TRPM3: variants seen among roughly 807,000 people sequenced by gnomAD.
TRPM3 encodes long transient receptor potential channel 3.
A neutral mutation model predicts 181.2 loss-of-function variants in TRPM3; 77 were observed. The observed-to-expected ratio is 0.42, with a 90% CI of 0.35 to 0.51. TRPM3 has a LOEUF of 0.51. TRPM3 is among the 20% of genes least tolerant of loss of function. The pLI is 0.01. For missense variants in TRPM3, 1,759 were observed against 2,196.7 expected, an observed-to-expected ratio of 0.80 and a Z score of 3.98; for synonymous variants, 745 against 796.4, an observed-to-expected ratio of 0.94 and a Z score of 1.09.
At chr9:70,559,210 AT>A (rs1375058603) in intron 22 of TRPM3, among the ~76,000 whole-genome samples, 1 of 152,240 alleles carries the variant, frequency 6.6e-6, no homozygotes, top group Non-Finnish European at 1.5e-5. Flanking sequence ...TAGGTGCTCA[AT>A]AAACAATGGC....
chr9:70,682,257 T>A (rs1288938061), intron 8 of TRPM3, among the ~76,000 whole-genome samples: 1 of 152,172 alleles, frequency 6.6e-6, no homozygotes, highest in East Asian at 1.9e-4. Flanking sequence ...TCTTTCTGGT[T>A]TTATGTAAAT....
chr9:70,928,872 C>G (rs1454809193), intron 1 of TRPM3, among the ~76,000 whole-genome samples: 10 of 152,312 alleles, frequency 6.6e-5, no homozygotes, highest in African/African-American at 2.4e-4. Context: ...CACCTAGAGT[C>G]TAGTTTGAAT....
intron 1 of TRPM3, among the ~76,000 whole-genome samples, chr9:71,218,224 G>A (rs553934378): frequency 1.3e-5 from 2 of 152,250 alleles, no homozygotes; most frequent in Admixed American, 1.3e-4. Flanking sequence ...CAGGCATACA[G>A]TTTGTCTGTT....
intron 1 of TRPM3, among the ~76,000 whole-genome samples, chr9:71,068,260 G>C (rs567634133): frequency 6.6e-6 from 1 of 152,250 alleles, no homozygotes; most frequent in African/African-American, 2.4e-5. Flanking sequence ...TCAATTCTTG[G>C]TACACTCAGG....
chr9:70,960,600 A>C (rs2097127078), intron 1 of TRPM3, among the ~76,000 whole-genome samples: 1 of 152,214 alleles, frequency 6.6e-6, no homozygotes, highest in Non-Finnish European at 1.5e-5. Flanking sequence ...GAGGCAGGAA[A>C]GTCTGAGGCC....
At chr9:71,238,815 G>A (rs1280075679) in intron 1 of TRPM3, among the ~76,000 whole-genome samples, 3 of 152,068 alleles carry the variant, frequency 2.0e-5, no homozygotes, top group Non-Finnish European at 4.4e-5. Context: ...TTCACCTGTG[G>A]AAGGCATTTG....
rs2095599610 is a variant in TRPM3, at chr9:70,864,525, C to CAACAAAAAAAAA, written c.178-15_178-14insTTTTTTTTTGTT. The CAACAAAAAAAAA allele has an allele frequency of 1.3e-6, 1 of 798,322 alleles. No homozygotes were observed. The highest frequency in any genetic ancestry group is 2.3e-5 in the African/African-American group (1 of 43,986). The allele number at this position is 798,322 out of a possible 1,614,324, so 49.5% of individuals were successfully genotyped here. ...GGATTTCTGAGCCTGAAAAAGAAAA[C>CAACAAAAAAAAA]AAAAAAAAAAAAAAAAGAAAAAAGA... On this transcript the variant is annotated splice_polypyrimidine_tract_variant and intron_variant, in intron 1 of 25. Transcript: ENST00000677713.
intron 1 of TRPM3, among the ~76,000 whole-genome samples, chr9:71,331,913 AGAG>A (rs373168008): frequency 0.058 from 768 of 13,248 alleles, 13 homozygotes; most frequent in Non-Finnish European, 0.072. Flanking sequence ...AGGAGGAAGA[AGAG>A]GAGGAAGAGG....
intron 1 of TRPM3, among the ~76,000 whole-genome samples, chr9:71,348,373 T>C (rs1385082792): frequency 6.6e-6 from 1 of 151,806 alleles, no homozygotes; most frequent in Non-Finnish European, 1.5e-5. Flanking sequence ...CCTGTATAGT[T>C]GTTGCTGTGC....
intron 21 of TRPM3, among the ~76,000 whole-genome samples, chr9:70,592,129 T>G (rs1005913731): frequency 6.6e-6 from 1 of 152,222 alleles, no homozygotes; most frequent in African/African-American, 2.4e-5. Context: ...TAGATGAGGA[T>G]GCAATAACTA....
In TRPM3 at chr9:71,234,991, C is replaced by T. The variant is rs374997956; in HGVS notation, c.183+211662G>A. Among the ~76,000 whole-genome samples, 65 of 152,272 alleles carry T rather than the reference C, an allele frequency of 4.3e-4. 1 individual carries two copies. The South Asian group carries it at 0.013, about 30-fold the overall frequency. On this transcript the variant is annotated intron_variant, in intron 1 of 24. Coordinates refer to the TRPM3 transcript ENST00000357533. Reference sequence around the variant, plus strand: ...CAAGTTCTGAGAAGGTAAGTACTAACGTCAAATTCCTTCTCATGAACAGCA... The same window carrying T: ...CAAGTTCTGAGAAGGTAAGTACTAATGTCAAATTCCTTCTCATGAACAGCA...
At chr9:71,226,405 A>G (rs566552913) in intron 1 of TRPM3, among the ~76,000 whole-genome samples, 6 of 152,184 alleles carry the variant, frequency 3.9e-5, no homozygotes, top group East Asian at 1.9e-4. Flanking sequence ...ATGGATTAAA[A>G]AAAGATGCAA....
At chr9:71,182,031 CT>C (rs774249627) in intron 1 of TRPM3, among the ~76,000 whole-genome samples, 41 of 152,224 alleles carry the variant, frequency 2.7e-4, no homozygotes, top group Non-Finnish European at 5.6e-4. Context: ...ACCCCGGCCT[CT>C]ACATTATTCA....
intron 1 of TRPM3, among the ~76,000 whole-genome samples, chr9:70,981,180 A>T (rs2097360326): frequency 1.3e-5 from 2 of 152,234 alleles, no homozygotes; most frequent in South Asian, 4.1e-4. Flanking sequence ...GATTTGGTCC[A>T]GAGCTTCAGA....
chr9:70,940,786 G>A (rs933208048), intron 1 of TRPM3, among the ~76,000 whole-genome samples: 5 of 152,062 alleles, frequency 3.3e-5, no homozygotes, highest in African/African-American at 1.2e-4. Flanking sequence ...GGAAGGAGAA[G>A]GTTTTATGCT....
intron 1 of TRPM3, among the ~76,000 whole-genome samples, chr9:70,891,136 G>A (rs547119346): frequency 4.6e-5 from 7 of 152,024 alleles, no homozygotes; most frequent in Non-Finnish European, 8.8e-5. Context: ...AAACCTGCAC[G>A]TTGTGCACAT....
chr9:71,420,799 GAA>G (rs368830578), intron 1 of TRPM3, among the ~76,000 whole-genome samples: 407 of 1,964 alleles, frequency 0.21, 28 homozygotes, highest in Middle Eastern at 0.33. Flanking sequence ...GAGAGAGAAA[GAA>G]AGAGAGAAAG....
chr9:71,102,840 C>T (rs894519357), intron 1 of TRPM3, among the ~76,000 whole-genome samples: 10 of 152,272 alleles, frequency 6.6e-5, no homozygotes, highest in African/African-American at 2.4e-4. Flanking sequence ...ATGCTATTTT[C>T]ATCTTTGCAT....
chr9:70,846,330 A>T lies in TRPM3; in HGVS notation c.676+48T>A. On this transcript the variant is annotated intron_variant, in intron 4 of 25. Transcript: ENST00000677713. ...CTTAGCAGAAAATTACATCAGGCAC[A>T]ACATTCCCATGGCCTATGTTGACTT... 1.9e-6 allele frequency: 3 copies of T among 1,548,416 alleles called. 1 individual carries two copies. In the South Asian group the frequency reaches 3.3e-5, roughly 17 times the overall value.
Sources: allele counts gnomAD v4.1 joint callset (sites outside exome capture counted in the v4.1 genomes callset), GRCh38; gene constraint gnomAD v4.1.1; transcripts MANE v1.5; gene names NCBI Gene and HGNC (gene_info 2026-07-23, HGNC 2026-07-21).